Variants in GABRB1 observed in about 807,000 individuals in gnomAD.
GABRB1 encodes gamma-aminobutyric acid receptor subunit beta-1.
GABRB1 carries 17 observed loss-of-function variants against 51.6 expected under a neutral mutation model. The ratio of observed to expected loss-of-function variants is 0.33; its 90% CI spans 0.23 to 0.49. GABRB1 has a LOEUF of 0.49. Ranked by LOEUF, GABRB1 falls within the 20% of genes least tolerant of loss-of-function variation. GABRB1 has a pLI of 0.99. For synonymous variants in GABRB1, 247 were observed against 218.9 expected, an observed-to-expected ratio of 1.13 and a Z score of -1.14; for missense variants, 410 against 600.6, an observed-to-expected ratio of 0.68 and a Z score of 3.32.
intron 4 of GABRB1, among the ~76,000 whole-genome samples, chr4:47,252,856 C>T (rs1190790642): frequency 6.6e-6 from 1 of 152,028 alleles, no homozygotes; most frequent in Non-Finnish European, 1.5e-5. Context: ...CTTATCATAC[C>T]TAAATATTCT....
At chr4:47,103,807 G>A (rs1388080721) in intron 3 of GABRB1, among the ~76,000 whole-genome samples, 1 of 151,620 alleles carries the variant, frequency 6.6e-6, no homozygotes, top group Non-Finnish European at 1.5e-5. Flanking sequence ...AATAAGCCAG[G>A]CAAAATTCTG....
chr4:47,357,031 T>G (rs1266418736), intron 5 of GABRB1, among the ~76,000 whole-genome samples: 1 of 152,216 alleles, frequency 6.6e-6, no homozygotes, highest in African/African-American at 2.4e-5. Flanking sequence ...GTCACTTTGA[T>G]GCTAAGCAGA....
At chr4:47,267,628 C>A (rs904168996) in intron 4 of GABRB1, among the ~76,000 whole-genome samples, 1 of 152,046 alleles carries the variant, frequency 6.6e-6, no homozygotes, top group East Asian at 1.9e-4. Context: ...AACCCCATCT[C>A]TACTGAAAAT....
chr4:47,053,401 GC>G (rs944465241), intron 3 of GABRB1, among the ~76,000 whole-genome samples: 1 of 152,088 alleles, frequency 6.6e-6, no homozygotes, highest in African/African-American at 2.4e-5. Context: ...TTCTCTCAAG[GC>G]AAAAAGATTC....
intron 1 of GABRB1, among the ~76,000 whole-genome samples, chr4:47,000,948 G>T (rs1297613794): frequency 2.0e-5 from 3 of 152,090 alleles, no homozygotes; most frequent in Non-Finnish European, 4.4e-5. Context: ...AATACTGAGA[G>T]ATATGATTCA....
At chr4:47,397,296 A>G (rs1425701762) in intron 5 of GABRB1, among the ~76,000 whole-genome samples, 1 of 152,244 alleles carries the variant, frequency 6.6e-6, no homozygotes, top group Admixed American at 6.5e-5. Context: ...TTTGAGATTT[A>G]CAATAGTTTA....
chr4:47,202,476 T>C (rs1560583400), intron 4 of GABRB1, among the ~76,000 whole-genome samples: 2 of 152,232 alleles, frequency 1.3e-5, no homozygotes, highest in Non-Finnish European at 2.9e-5. Flanking sequence ...TAAGCATTTG[T>C]TGAATACCTT....
intron 3 of GABRB1, among the ~76,000 whole-genome samples, chr4:47,041,391 C>G (rs1312673347): frequency 2.0e-5 from 3 of 152,020 alleles, no homozygotes; most frequent in Admixed American, 6.6e-5. Flanking sequence ...GACAGAGAAA[C>G]AGCTAGAGAA....
At chr4:47,156,079 C>T (rs774823099) in intron 3 of GABRB1, among the ~76,000 whole-genome samples, 2 of 151,434 alleles carry the variant, frequency 1.3e-5, no homozygotes, top group Admixed American at 6.6e-5. Context: ...TTTCTTTTGG[C>T]ATGTACCCAG....
intron 4 of GABRB1, among the ~76,000 whole-genome samples, chr4:47,300,102 AG>A (rs1352495875): frequency 1.2e-4 from 8 of 64,570 alleles, no homozygotes; most frequent in Admixed American, 4.7e-4. Context: ...GGGTGGGGGG[AG>A]GGGGGAGGGA....
chr4:47,369,434 T>TAC (rs34999907), intron 5 of GABRB1, among the ~76,000 whole-genome samples: 3,021 of 149,896 alleles, frequency 0.02, 157 homozygotes, highest in Admixed American at 0.12. Flanking sequence ...TCTTTCTATT[T>TAC]ACACACACAC....
At chr4:47,124,422 T>C (rs770199384) in intron 3 of GABRB1, among the ~76,000 whole-genome samples, 3 of 151,992 alleles carry the variant, frequency 2.0e-5, no homozygotes, top group Non-Finnish European at 2.9e-5. Context: ...GTCTTTCAAA[T>C]ACACAAACAT....
At chr4:47,059,349 T>A (rs2109524373) in intron 3 of GABRB1, among the ~76,000 whole-genome samples, 1 of 152,264 alleles carries the variant, frequency 6.6e-6, no homozygotes, top group South Asian at 2.1e-4. Context: ...TTTAATGTAA[T>A]TTTTTTGAGA....
rs550448856 is a variant in GABRB1 at position 47,251,000 on chromosome 4, C to A, written c.462-69127C>A. 2.0e-5 allele frequency among the ~76,000 whole-genome samples: 3 copies of A among 152,138 alleles called. No homozygotes were observed. The South Asian group carries it at 6.2e-4, about 32-fold the overall frequency. The stretch of plus-strand genomic sequence containing the variant: ...CATTGCTGGTGAACTAGTATTATTT[C>A]TTGGGGGGGTGTTAAAGAGTTTTGT... On this transcript the variant is annotated intron_variant, in intron 4 of 8. Coordinates refer to ENST00000295454, the MANE Select transcript of GABRB1 (RefSeq NM_000812.4).
chr4:47,122,075 G>A (rs11730134), intron 3 of GABRB1, among the ~76,000 whole-genome samples: 28,811 of 151,960 alleles, frequency 0.19, 2,948 homozygotes, highest in East Asian at 0.33. Context: ...TCCAAAAACA[G>A]CCTAGAGCAG....
chr4:47,358,127 A>G (rs965567967), intron 5 of GABRB1, among the ~76,000 whole-genome samples: 4 of 152,108 alleles, frequency 2.6e-5, no homozygotes, highest in Non-Finnish European at 4.4e-5. Context: ...CAGAGCTAAC[A>G]TTGAACTCAG....
intron 8 of GABRB1, among the ~76,000 whole-genome samples, chr4:47,422,240 A>C (rs936454836): frequency 6.6e-6 from 1 of 151,722 alleles, no homozygotes; most frequent in Admixed American, 6.6e-5. Flanking sequence ...TGACTTCCTC[A>C]CTCACTCCCT....
At chr4:47,197,747 G>A (rs1719745984) in intron 4 of GABRB1, among the ~76,000 whole-genome samples, 1 of 152,244 alleles carries the variant, frequency 6.6e-6, no homozygotes, top group South Asian at 2.1e-4. Context: ...TGCCATACAT[G>A]TTTGTTGAGA....
intron 3 of GABRB1, among the ~76,000 whole-genome samples, chr4:47,073,270 C>T (rs1727416619): frequency 6.6e-6 from 1 of 152,142 alleles, no homozygotes; most frequent in South Asian, 2.1e-4. Flanking sequence ...ATTTAGAGCT[C>T]TCCTAATAAA....
Sources: gnomAD v4.1 joint callset for allele counts (sites outside exome capture counted in the v4.1 genomes callset) on GRCh38, gnomAD v4.1.1 for gene constraint, MANE v1.5 for transcripts, NCBI Gene and HGNC (gene_info 2026-07-23, HGNC 2026-07-21) for gene names.